Variants in PRTFDC1 observed in about 807,000 individuals in gnomAD.
PRTFDC1 encodes phosphoribosyl transferase domain containing 1, also known as phosphoribosyltransferase domain-containing protein 1.
Under a neutral mutation model 34.6 loss-of-function variants are expected in PRTFDC1, and 38 were observed. The observed-to-expected ratio is 1.10, with a 90% CI of 0.85 to 1.44. The LOEUF is 1.44. Among genes scored for constraint, PRTFDC1 ranks in the 40% most tolerant of loss-of-function variants. PRTFDC1 has a pLI of 0.00. For synonymous variants in PRTFDC1, 93 were observed against 98.1 expected, an observed-to-expected ratio of 0.95 and a Z score of 0.31; for missense variants, 270 against 283.0, an observed-to-expected ratio of 0.95 and a Z score of 0.33.
intron 4 of PRTFDC1, chr10:24,867,666 T>C (rs568954606): frequency 6.6e-6 from 1 of 152,294 alleles, no homozygotes; most frequent in South Asian, 2.1e-4. Context: ...TTTATTTTTA[T>C]TAAGTTTTAT....
intron 3 of PRTFDC1, among the ~76,000 whole-genome samples, chr10:24,934,241 GAAGAAGGAGAAGAAGAAGA>G (rs1849013912): frequency 1.9e-5 from 2 of 104,354 alleles, no homozygotes; most frequent in African/African-American, 8.1e-5. Context: ...AGAAGAAGAA[GAAGAAGGAGAAGAAGAAGA>G]AGAAGAAGAA....
intron 3 of PRTFDC1, among the ~76,000 whole-genome samples, chr10:24,906,814 C>T (rs959258608): frequency 2.0e-5 from 3 of 152,158 alleles, no homozygotes; most frequent in South Asian, 2.1e-4. Flanking sequence ...TACCTGCTCC[C>T]GTGTGAGCAT....
chr10:24,856,064 A>G (rs1454269757), intron 6 of PRTFDC1, among the ~76,000 whole-genome samples: 1 of 128,450 alleles, frequency 7.8e-6, no homozygotes, highest in East Asian at 2.6e-4. Flanking sequence ...CAGTGAGCTG[A>G]GATTGTACCA....
rs61379088 is a variant in PRTFDC1, at chr10:24,875,846, GTTTTTTT to G, written c.340-3790_340-3784del. ...AAATCATATTGTTATAATTCTCATA[GTTTTTTT>G]TTTTTTTTTTTTTTTTTTAAGAGAC... On this transcript the variant is annotated intron_variant, in intron 3 of 8. Coordinates refer to ENST00000320152, the MANE Select transcript of PRTFDC1 (RefSeq NM_020200.7). 1.2e-4 allele frequency among the ~76,000 whole-genome samples: 12 copies of G among 96,732 alleles called. 1 individual carries two copies. The Admixed American group carries it at 1.4e-3, about 11-fold the overall frequency. The allele number at this position is 96,732 out of a possible 152,430, so 63.5% of individuals were successfully genotyped here. A position where few individuals can be genotyped will look rare whatever the true frequency, so the allele number is the denominator to read the frequency against.
At chr10:24,864,624 T>C (rs141150166) in intron 4 of PRTFDC1, among the ~76,000 whole-genome samples, 1 of 152,324 alleles carries the variant, frequency 6.6e-6, no homozygotes, top group East Asian at 1.9e-4. Context: ...TTTTTAGACA[T>C]AATGTTATCA....
intron 3 of PRTFDC1, among the ~76,000 whole-genome samples, chr10:24,882,306 C>A (rs1848092444): frequency 6.6e-6 from 1 of 151,964 alleles, no homozygotes; most frequent in African/African-American, 2.4e-5. Context: ...TGCATGGGTG[C>A]CCCAATGACA....
At chr10:24,888,775 A>G (rs1425373755) in intron 3 of PRTFDC1, among the ~76,000 whole-genome samples, 1 of 152,242 alleles carries the variant, frequency 6.6e-6, no homozygotes, top group Non-Finnish European at 1.5e-5. Flanking sequence ...ATAAAGTAAC[A>G]TAATATATAA....
chr10:24,952,536 C>A lies in PRTFDC1; in HGVS notation c.40G>T (p.Gly14Cys). Reference sequence around the variant, plus strand: ...AGGGAGTTTGCATTTACCACGACGCCTCGCCCGTAGTCTGGCGCCTCCTCG... The same window carrying A: ...AGGGAGTTTGCATTTACCACGACGCATCGCCCGTAGTCTGGCGCCTCCTCG... Reference protein sequence around the residue: ...SSEEAPDYGRGVVIMDDWPGY... With the variant: ...SSEEAPDYGRCVVIMDDWPGY... The change falls in exon 1 of 9, where the codon GGC (glycine) becomes TGC (cysteine). Residue 14 changes from glycine to cysteine, a missense_variant. By Grantham distance (159) the Gly-to-Cys change is radical. Coordinates refer to ENST00000320152, the MANE Select transcript of PRTFDC1 (RefSeq NM_020200.7). This position sits in a 1 kb window ranked among gnomAD's most constrained non-coding sequence, Gnocchi z 5.1. 1 of 1,589,512 alleles carries A rather than the reference C, an allele frequency of 6.3e-7. No individual in the cohort carries two copies. The highest frequency in any genetic ancestry group is 1.8e-5 in the Admixed American group (1 of 56,848).
chr10:24,897,764 C>T (rs1848391573), intron 3 of PRTFDC1, among the ~76,000 whole-genome samples: 1 of 152,082 alleles, frequency 6.6e-6, no homozygotes, highest in African/African-American at 2.4e-5. Context: ...AAAATAGACG[C>T]TTTCTTTCAT....
intron 3 of PRTFDC1, among the ~76,000 whole-genome samples, chr10:24,923,233 A>G (rs1207260244): frequency 6.6e-6 from 1 of 152,242 alleles, no homozygotes; most frequent in East Asian, 1.9e-4. Flanking sequence ...TAGCTGAACA[A>G]AAGGCAGCAG....
intron 1 of PRTFDC1, 93 bp from the exon 2 acceptor site, chr10:24,942,529 C>T: frequency 9.6e-7 from 1 of 1,046,218 alleles, no homozygotes; most frequent in South Asian, 1.3e-5. Context: ...AGAATTCCCT[C>T]AACTTATGAA....
chr10:24,951,558 C>G, intron 1 of PRTFDC1: 1 of 985,338 alleles, frequency 1.0e-6, no homozygotes, highest in Non-Finnish European at 1.2e-6. Context: ...TACTTTAGTT[C>G]AGGCCATTCA....
intron 3 of PRTFDC1, among the ~76,000 whole-genome samples, chr10:24,911,182 G>A (rs1848621683): frequency 6.6e-6 from 1 of 152,176 alleles, no homozygotes; most frequent in Non-Finnish European, 1.5e-5. Flanking sequence ...CAGTCATGAT[G>A]TAGAATAATT....
At chr10:24,908,515 T>C in intron 3 of PRTFDC1, 2 of 1,612,584 alleles carry the variant, frequency 1.2e-6, no homozygotes, top group South Asian at 1.1e-5. Context: ...AATTCTGCTC[T>C]GATCTTGGTA....
intron 4 of PRTFDC1, among the ~76,000 whole-genome samples, chr10:24,870,429 T>C (rs937474445): frequency 1.1e-4 from 16 of 152,176 alleles, no homozygotes; most frequent in South Asian, 6.2e-4. Context: ...AATTTCTTCT[T>C]GGCATTCATT....
intron 3 of PRTFDC1, among the ~76,000 whole-genome samples, chr10:24,875,550 C>A (rs1209918776): frequency 6.6e-6 from 1 of 152,058 alleles, no homozygotes; most frequent in Non-Finnish European, 1.5e-5. Context: ...TGTTCTCAGT[C>A]CTTTCATGTA....
chr10:24,879,744 T>A (rs1036263967), intron 3 of PRTFDC1, among the ~76,000 whole-genome samples: 1 of 152,204 alleles, frequency 6.6e-6, no homozygotes, highest in African/African-American at 2.4e-5. Context: ...CAAAAGTAAC[T>A]GTCGTTTTTG....
chr10:24,931,923 A>AAC (rs1848979307), intron 3 of PRTFDC1, among the ~76,000 whole-genome samples: 1 of 151,394 alleles, frequency 6.6e-6, no homozygotes, highest in African/African-American at 2.4e-5. Flanking sequence ...GAAAAAAAAA[A>AAC]AACAAAAAAC....
At chr10:24,859,242 G>T (rs1172405992) in intron 4 of PRTFDC1, among the ~76,000 whole-genome samples, 1 of 152,032 alleles carries the variant, frequency 6.6e-6, no homozygotes, top group Non-Finnish European at 1.5e-5. Context: ...CATCTGAAGT[G>T]CTGCTCTCCC....
Sources: allele counts gnomAD v4.1 joint callset (sites outside exome capture counted in the v4.1 genomes callset), GRCh38; gene constraint gnomAD v4.1.1; non-coding constraint Gnocchi (gnomAD v3.1); transcripts MANE v1.5; gene names NCBI Gene and HGNC (gene_info 2026-07-23, HGNC 2026-07-21).